Variants in ARF1 observed in about 807,000 individuals in gnomAD.
ARF1 encodes ARF GTPase 1.
Under a neutral mutation model 18.0 loss-of-function variants are expected in ARF1, and 1 was observed. The ratio of observed to expected loss-of-function variants is 0.06; its 90% CI spans 0.02 to 0.26. ARF1 has a LOEUF of 0.26. Among genes scored for constraint, ARF1 ranks in the 10% least tolerant of loss-of-function variants. ARF1 has a pLI of 1.00. For missense variants in ARF1, 73 were observed against 247.2 expected (o/e 0.30, Z 4.73); for synonymous variants, 112 against 96.3 (o/e 1.16, Z -0.95).
chr1:228,096,041 G>A (rs1033863458), intron 1 of ARF1, among the ~76,000 whole-genome samples: 1 of 152,210 alleles, frequency 6.6e-6, no homozygotes, highest in Non-Finnish European at 1.5e-5. Flanking sequence ...AGACACGGGC[G>A]GCCAGTTCAC....
intron 1 of ARF1, among the ~76,000 whole-genome samples, chr1:228,086,852 A>G (rs1284156475): frequency 6.6e-6 from 1 of 152,234 alleles, no homozygotes; most frequent in Non-Finnish European, 1.5e-5. Context: ...CCAGAAGCAC[A>G]GGTAAAATAA....
In ARF1 at chr1:228,098,108, G is replaced by T; in HGVS notation, c.*95G>T. 4 of 1,475,480 alleles carry T rather than the reference G, an allele frequency of 2.7e-6. No individual in the cohort carries two copies. The highest frequency in any genetic ancestry group is 3.7e-6 in the Non-Finnish European group (4 of 1,094,616). The allele number at this position is 1,475,480 out of a possible 1,614,324, so 91.4% of individuals were successfully genotyped here. On this transcript the variant is annotated 3_prime_UTR_variant, in exon 5 of 5. Transcript: ENST00000272102. ...GGTGTGAGTGCCAGAAGCTGCCTCC[G>T]TGGTTTGGTCACCGTGTGCATCGCA...
intron 1 of ARF1, among the ~76,000 whole-genome samples, chr1:228,086,956 G>T (rs1297516743): frequency 6.6e-6 from 1 of 152,180 alleles, no homozygotes; most frequent in South Asian, 2.1e-4. Context: ...CGCAGAACTG[G>T]TTGCTTGCTT....
chr1:228,092,783 T>A (rs1392354465), intron 1 of ARF1, among the ~76,000 whole-genome samples: 1 of 152,174 alleles, frequency 6.6e-6, no homozygotes, highest in Non-Finnish European at 1.5e-5. Flanking sequence ...CACAGAGGCA[T>A]CTGGACCCCA....
At position 228,089,347 on chromosome 1, in the gene ARF1, G is replaced by A. The variant is rs10916265; in HGVS notation, c.-38+6582G>A. 0.54 allele frequency among the ~76,000 whole-genome samples: 81,513 copies of A among 151,984 alleles called. 22,458 individuals carry two copies. Among genetic ancestry groups the A allele is most frequent in the South Asian group, 0.68 (3,263 of 4,808 alleles). ...CCAGAAGCGAGGATTTCCTGCAAGG[G>A]CGGTGGCCTCCCAGGGTCTGTGGGG... On this transcript the variant is annotated intron_variant, in intron 1 of 4. Transcript: ENST00000272102. This position sits in a 1 kb window ranked among gnomAD's most constrained non-coding sequence, Gnocchi z 4.1.
At position 228,082,749 on chromosome 1, in the gene ARF1, G is replaced by C. The variant is rs1409500948; in HGVS notation, c.-54G>C. 1 of 152,094 alleles carries C rather than the reference G, an allele frequency of 6.6e-6. No individual in the cohort carries two copies. The highest frequency in any genetic ancestry group is 1.5e-5 in the Non-Finnish European group (1 of 68,014). The allele number at this position is 152,094 out of a possible 1,614,324, so 9.4% of individuals were successfully genotyped here. ...GGGAGCAAAACCAACGCCTGGCTCG[G>C]AGCAGCAGCCTCTGAGGTGAGGGCG... On this transcript the variant is annotated 5_prime_UTR_variant, in exon 1 of 5. Transcript: ENST00000272102. The surrounding 1 kb of genome is among the most constrained non-coding windows in gnomAD (Gnocchi z 6.1).
chr1:228,096,658 C>T (rs2032757527), intron 1 of ARF1, among the ~76,000 whole-genome samples: 1 of 152,320 alleles, frequency 6.6e-6, no homozygotes, highest in East Asian at 1.9e-4. Context: ...CTGAGTCTGG[C>T]GTGGCCCTGT....
chr1:228,085,002 T>C (rs1028296684), intron 1 of ARF1, among the ~76,000 whole-genome samples: 2 of 152,224 alleles, frequency 1.3e-5, no homozygotes, highest in African/African-American at 4.8e-5. Context: ...ATACTGTCTC[T>C]CATAGGCATT....
At chr1:228,086,675 C>A (rs908293678) in intron 1 of ARF1, among the ~76,000 whole-genome samples, 5 of 152,164 alleles carry the variant, frequency 3.3e-5, no homozygotes, top group South Asian at 2.1e-4. Context: ...CGCCGTGTCT[C>A]TTCCCTCATA....
rs769925136 is a variant in ARF1, at chr1:228,097,186, C to T, written c.72C>T (p.Gly24=). 12 of 1,613,952 alleles carry T rather than the reference C, an allele frequency of 7.4e-6. No individual in the cohort carries two copies. The South Asian group carries it at 1.3e-4, about 18-fold the overall frequency. The change falls in exon 2 of 5, where the codon GGC becomes GGT. Residue 24 remains glycine (G), a synonymous_variant. Coordinates refer to ENST00000272102, the MANE Select transcript of ARF1 (RefSeq NM_001658.4). This position sits in a 1 kb window ranked among gnomAD's most constrained non-coding sequence, Gnocchi z 8.1. The stretch of plus-strand genomic sequence containing the variant: ...AAGAAATGCGCATCCTCATGGTGGG[C>T]CTGGATGCTGCAGGGAAGACCACGA... ...GKKEMRILMV[G]LDAAGKTTIL... is the part of the protein sequence containing the mutation.
intron 1 of ARF1, among the ~76,000 whole-genome samples, chr1:228,093,261 G>T (rs2032627742): frequency 6.6e-6 from 1 of 152,304 alleles, no homozygotes; most frequent in Non-Finnish European, 1.5e-5. Flanking sequence ...CCTGGCCTGG[G>T]CATGACACAA....
chr1:228,092,555 G>A (rs1427965711), intron 1 of ARF1, among the ~76,000 whole-genome samples: 1 of 152,234 alleles, frequency 6.6e-6, no homozygotes, highest in African/African-American at 2.4e-5. Context: ...CCTGGAGCTT[G>A]TTTGTCCTGT....
At chr1:228,086,637 G>T (rs2032411485) in intron 1 of ARF1, among the ~76,000 whole-genome samples, 1 of 152,200 alleles carries the variant, frequency 6.6e-6, no homozygotes, top group African/African-American at 2.4e-5. Context: ...GGTTCCTGGA[G>T]AATGGCACAG....
At chr1:228,088,316 G>C (rs2032470999) in intron 1 of ARF1, 1 of 152,444 alleles carries the variant, frequency 6.6e-6, no homozygotes, top group Non-Finnish European at 1.5e-5. Flanking sequence ...GACCTGTCAG[G>C]AGTAGGGTGC....
At chr1:228,088,449 G>A (rs2032474682) in intron 1 of ARF1, among the ~76,000 whole-genome samples, 1 of 152,156 alleles carries the variant, frequency 6.6e-6, no homozygotes, top group Admixed American at 6.5e-5. Context: ...ACCTTTGGCA[G>A]TGGCAAGAAC....
At chr1:228,085,012 T>G (rs2032349153) in intron 1 of ARF1, among the ~76,000 whole-genome samples, 2 of 152,204 alleles carry the variant, frequency 1.3e-5, no homozygotes, top group South Asian at 4.1e-4. Context: ...TCATAGGCAT[T>G]CTCTCCCCTT....
At position 228,089,975 on chromosome 1, in the gene ARF1, AG is replaced by A. The variant is rs1415816809; in HGVS notation, c.-37-7102del. Among the ~76,000 whole-genome samples, 1 of 152,228 alleles carries A rather than the reference AG, an allele frequency of 6.6e-6. No individual in the cohort carries two copies. Among genetic ancestry groups the A allele is most frequent in the African/African-American group, 2.4e-5 (1 of 41,464 alleles). On this transcript the variant is annotated intron_variant, in intron 1 of 4. Transcript: ENST00000272102. The surrounding 1 kb of genome is among the most constrained non-coding windows in gnomAD (Gnocchi z 4.1). ...AAAACCAGGGTAGCATTGTCACATC[AG>A]ATAGCTCCGCTACGTGTGCGCTGAC...
At chr1:228,087,457 G>A (rs945727373) in intron 1 of ARF1, among the ~76,000 whole-genome samples, 1 of 152,112 alleles carries the variant, frequency 6.6e-6, no homozygotes, top group African/African-American at 2.4e-5. Context: ...GGCAATTTTG[G>A]TGGTGACATT....
chr1:228,097,977 G>A lies in ARF1; in HGVS notation c.510G>A (p.Leu170=). The A allele has an allele frequency of 6.2e-7, 1 of 1,614,118 alleles. No homozygotes were observed. Among genetic ancestry groups the A allele is most frequent in the Admixed American group, 1.7e-5 (1 of 60,010 alleles). ...ATSGDGLYEG[L]DWLSNQLRNQ... is the part of the protein sequence containing the mutation. ...GCGGCGACGGGCTCTATGAAGGACTGGACTGGCTGTCCAATCAGCTCCGGA... is the reference window on the plus strand; with the variant it reads ...GCGGCGACGGGCTCTATGAAGGACTAGACTGGCTGTCCAATCAGCTCCGGA... Residue 170 remains leucine (L), a synonymous_variant, in exon 5 of 5, where the codon CTG becomes CTA. Coordinates refer to ENST00000272102, the MANE Select transcript of ARF1 (RefSeq NM_001658.4). The surrounding 1 kb of genome is among the most constrained non-coding windows in gnomAD (Gnocchi z 8.1).
Sources: allele counts gnomAD v4.1 joint callset (sites outside exome capture counted in the v4.1 genomes callset), GRCh38; gene constraint gnomAD v4.1.1; non-coding constraint Gnocchi (gnomAD v3.1); transcripts MANE v1.5; gene names NCBI Gene and HGNC (gene_info 2026-07-23, HGNC 2026-07-21).